The following RHOT1 variants were observed in gnomAD, a reference collection of about 807,000 sequenced individuals.
RHOT1 encodes ras homolog family member T1, also known as mitochondrial Rho GTPase 1.
In RHOT1, 27 loss-of-function variants were observed where a neutral mutation model predicts 95.3. The observed-to-expected ratio is 0.28, with a 90% CI of 0.21 to 0.39. The LOEUF (loss-of-function observed/expected upper bound fraction) is 0.39. RHOT1 is among the 10% of genes least tolerant of loss of function. RHOT1 has a pLI of 1.00. For synonymous variants in RHOT1, 227 were observed against 263.5 expected (o/e 0.86, Z 1.34); for missense variants, 578 against 786.7 (o/e 0.73, Z 3.17).
chr17:32,150,690 T>C, intron 1 of RHOT1: 1 of 1,599,594 alleles, frequency 6.3e-7, no homozygotes, highest in Non-Finnish European at 8.6e-7. Context: ...GTTCTATGAT[T>C]TGGGATATGT....
chr17:32,153,303 G>A (rs546579054), intron 1 of RHOT1, among the ~76,000 whole-genome samples: 7 of 152,316 alleles, frequency 4.6e-5, no homozygotes, highest in Non-Finnish European at 7.3e-5. Flanking sequence ...GTTATTGAAT[G>A]TCAGCTTCAT....
chr17:32,148,826 A>G (rs1036149912), intron 1 of RHOT1, among the ~76,000 whole-genome samples: 1 of 152,246 alleles, frequency 6.6e-6, no homozygotes, highest in Non-Finnish European at 1.5e-5. Flanking sequence ...TTGGAACCAG[A>G]GAATGTTATT....
Position 32,194,120 on chromosome 17 carries a change from G to GTTT in RHOT1, c.869+19_869+21dup. The GTTT allele has an allele frequency of 6.2e-7, 1 of 1,605,392 alleles. No homozygotes were observed. ...ATTTGTTCCCCCTGTATGTACCTTT[G>GTTT]TTTTTTTTGTTGTTGTTGTTGTTTA... On this transcript the variant is annotated intron_variant, in intron 11 of 19. Coordinates refer to ENST00000545287, the MANE Select transcript of RHOT1 (RefSeq NM_001033566.3).
chr17:32,175,486 C>T (rs1288467988), intron 4 of RHOT1, 124 bp downstream of exon 4: 4 of 934,026 alleles, frequency 4.3e-6, no homozygotes, highest in Admixed American at 1.9e-5. Context: ...GTGTTTCACT[C>T]TGTCACCCAC....
chr17:32,143,396 C>G (rs1049660383), intron 1 of RHOT1, among the ~76,000 whole-genome samples: 1 of 152,158 alleles, frequency 6.6e-6, no homozygotes, highest in African/African-American at 2.4e-5. Flanking sequence ...GATATTTCAT[C>G]AAAAATTTTT....
intron 4 of RHOT1, 112 bp downstream of exon 4, chr17:32,175,474 C>T (rs2034920944): frequency 2.8e-6 from 3 of 1,070,254 alleles, no homozygotes; most frequent in South Asian, 1.3e-5. Context: ...TTTTTTGGGA[C>T]CGTGTTTCAC....
chr17:32,183,028 T>C (rs2035762802), intron 7 of RHOT1, 143 bp from the exon 8 acceptor site: 3 of 753,394 alleles, frequency 4.0e-6, no homozygotes, highest in Middle Eastern at 4.0e-4. Flanking sequence ...CTGAACTCTT[T>C]CTAGACATTC....
At chr17:32,153,991 A>G (rs2032631482) in intron 1 of RHOT1, among the ~76,000 whole-genome samples, 1 of 152,110 alleles carries the variant, frequency 6.6e-6, no homozygotes, top group Non-Finnish European at 1.5e-5. Context: ...TATTATTCAT[A>G]TAAACCAATT....
At chr17:32,171,422 A>G (rs74521290) in intron 2 of RHOT1, among the ~76,000 whole-genome samples, 4 of 152,178 alleles carry the variant, frequency 2.6e-5, no homozygotes, top group Non-Finnish European at 5.9e-5. Flanking sequence ...TTTGTTTATC[A>G]CCTGTATCTA....
intron 18 of RHOT1, chr17:32,209,530 T>G: frequency 1.3e-6 from 1 of 788,334 alleles, no homozygotes; most frequent in Non-Finnish European, 2.1e-6. Context: ...TTGCCATAAT[T>G]AACATTTAGT....
rs1465843018 is a variant in RHOT1, at chr17:32,182,869, T to C, written c.438+4T>C. 6.8e-7 allele frequency: 1 copy of C among 1,480,706 alleles called. No homozygotes were observed. Among genetic ancestry groups the C allele is most frequent in the Non-Finnish European group, 9.3e-7 (1 of 1,078,644 alleles). The allele number at this position is 1,480,706 out of a possible 1,614,324, so 91.7% of individuals were successfully genotyped here. ...AGAAATAGAAACCTGTGTGGAGGTA[T>C]GCCTTGTAATTTGATTTGAAAATTT... On this transcript the variant is annotated splice_donor_region_variant and intron_variant, in intron 7 of 19. Transcript: ENST00000545287.
chr17:32,170,448 T>TA (rs2034487086), intron 1 of RHOT1, among the ~76,000 whole-genome samples: 1 of 152,114 alleles, frequency 6.6e-6, no homozygotes, highest in Non-Finnish European at 1.5e-5. Flanking sequence ...AATATTAATA[T>TA]AAAATGGGTT....
chr17:32,174,679 A>C (rs1644928676), intron 3 of RHOT1, among the ~76,000 whole-genome samples: 1 of 152,224 alleles, frequency 6.6e-6, no homozygotes, highest in African/African-American at 2.4e-5. Context: ...TTTTTAGGGG[A>C]AGATATATGT....
chr17:32,151,057 G>A, intron 1 of RHOT1: 1 of 1,345,820 alleles, frequency 7.4e-7, no homozygotes, highest in Non-Finnish European at 1.1e-6. Context: ...TGTTCTTGGA[G>A]AAGGCATTCC....
At chr17:32,162,216 C>T (rs1025631002) in intron 1 of RHOT1, among the ~76,000 whole-genome samples, 1 of 152,020 alleles carries the variant, frequency 6.6e-6, no homozygotes, top group African/African-American at 2.4e-5. Flanking sequence ...TGCTCTGTTG[C>T]CCCCTCCTCC....
chr17:32,207,650 A>G (rs1322322768), intron 17 of RHOT1: 1 of 153,564 alleles, frequency 6.5e-6, no homozygotes, highest in African/African-American at 2.4e-5. Context: ...ATAGTTTTGA[A>G]TTCTGAAGAA....
At chr17:32,171,811 A>G (rs1185511977) in intron 2 of RHOT1, among the ~76,000 whole-genome samples, 1 of 152,246 alleles carries the variant, frequency 6.6e-6, no homozygotes, top group African/African-American at 2.4e-5. Flanking sequence ...CATTTTACAA[A>G]TGTTGAAACA....
intron 18 of RHOT1, 160 bp downstream of exon 18, chr17:32,208,469 T>A (rs1165442226): frequency 1.5e-6 from 1 of 674,522 alleles, no homozygotes; most frequent in Non-Finnish European, 2.6e-6. Flanking sequence ...AAGTTTGGTT[T>A]GAATGCCATA....
intron 19 of RHOT1, chr17:32,221,002 T>C: frequency 1.2e-6 from 1 of 851,042 alleles, no homozygotes; most frequent in Non-Finnish European, 1.4e-6. Flanking sequence ...TAAGATGATA[T>C]TTTCTATAAG....
Sources: allele counts gnomAD v4.1 joint callset (sites outside exome capture counted in the v4.1 genomes callset), GRCh38; gene constraint gnomAD v4.1.1; transcripts MANE v1.5; gene names NCBI Gene and HGNC (gene_info 2026-07-23, HGNC 2026-07-21).